Variants in LAMC1 observed in about 807,000 individuals in gnomAD.
LAMC1 encodes the protein laminin subunit gamma-1.
Under a neutral mutation model 173.6 loss-of-function variants are expected in LAMC1, and 38 were observed. The ratio of observed to expected loss-of-function variants is 0.22; its 90% CI spans 0.17 to 0.29. LAMC1 has a LOEUF of 0.29. Ranked by LOEUF, LAMC1 falls within the 10% of genes least tolerant of loss-of-function variation. LAMC1 has a pLI of 1.00. For synonymous variants in LAMC1, 746 were observed against 749.1 expected (o/e 1.00, Z 0.07); for missense variants, 1,824 against 2,051.8 (o/e 0.89, Z 2.14).
chr1:183,044,828 A>G (rs1654224306), intron 1 of LAMC1, among the ~76,000 whole-genome samples: 1 of 151,780 alleles, frequency 6.6e-6, no homozygotes, highest in Non-Finnish European at 1.5e-5. Flanking sequence ...CAAGTTAAAT[A>G]CCTTTCTTTT....
intron 11 of LAMC1, among the ~76,000 whole-genome samples, chr1:183,120,167 CAAAAAAA>C (rs55642592): frequency 3.1e-5 from 2 of 64,738 alleles, no homozygotes; most frequent in South Asian, 8.3e-4. Flanking sequence ...GGATCTATCT[CAAAAAAA>C]AAAAAAAAAA....
At position 183,121,955 on chromosome 1, in the gene LAMC1, C is replaced by T. The variant is rs1335970393; in HGVS notation, c.2212+11C>T. 1.2e-6 allele frequency: 2 copies of T among 1,612,928 alleles called. No homozygotes were observed. Among genetic ancestry groups the T allele is most frequent in the South Asian group, 2.2e-5 (2 of 91,032 alleles). Reference sequence around the variant, plus strand: ...GTGATCCTGAGACAGGTGAGATGATCTTTGGCAGCTCTTAGACCTAACTTC... The same window carrying T: ...GTGATCCTGAGACAGGTGAGATGATTTTTGGCAGCTCTTAGACCTAACTTC... On this transcript the variant is annotated intron_variant, in intron 12 of 27. Transcript: ENST00000258341.
intron 1 of LAMC1, among the ~76,000 whole-genome samples, chr1:183,065,299 A>G (rs1654849718): frequency 6.6e-6 from 1 of 152,196 alleles, no homozygotes; most frequent in East Asian, 1.9e-4. Flanking sequence ...CTGTATATAT[A>G]TAGAAAGAGA....
chr1:183,026,414 C>A (rs146693477), intron 1 of LAMC1, among the ~76,000 whole-genome samples: 66 of 152,138 alleles, frequency 4.3e-4, no homozygotes, highest in African/African-American at 1.5e-3. Flanking sequence ...CCTCCCCCCC[C>A]CTTTAATGAC....
At chr1:183,081,051 G>T (rs1300519084) in intron 1 of LAMC1, among the ~76,000 whole-genome samples, 1 of 151,894 alleles carries the variant, frequency 6.6e-6, no homozygotes, top group African/African-American at 2.4e-5. Flanking sequence ...ACCACGCCCG[G>T]CTAATTTTTA....
chr1:183,108,736 T>C (rs955259283), intron 3 of LAMC1, among the ~76,000 whole-genome samples: 2 of 152,230 alleles, frequency 1.3e-5, no homozygotes, highest in African/African-American at 4.8e-5. Context: ...ACTCACCTTA[T>C]CCTACGGAGA....
chr1:183,118,294 A>G (rs1656377590), intron 11 of LAMC1, 148 bp downstream of exon 11: 4 of 495,196 alleles, frequency 8.1e-6, no homozygotes, highest in South Asian at 3.9e-5. Flanking sequence ...TATAAAGACA[A>G]TGCATTTTTT....
At chr1:183,066,913 A>C (rs545083143) in intron 1 of LAMC1, among the ~76,000 whole-genome samples, 2 of 152,298 alleles carry the variant, frequency 1.3e-5, no homozygotes, top group East Asian at 1.9e-4. Flanking sequence ...TTGTGTACCT[A>C]TGTAACAAAC....
At chr1:183,090,290 A>T (rs141398644) in intron 1 of LAMC1, among the ~76,000 whole-genome samples, 1 of 152,176 alleles carries the variant, frequency 6.6e-6, no homozygotes, top group African/African-American at 2.4e-5. Context: ...CATGTAGTCC[A>T]GGGGGATTAC....
chr1:183,031,439 G>A (rs139184670), intron 1 of LAMC1, among the ~76,000 whole-genome samples: 1,902 of 152,208 alleles, frequency 0.012, 21 homozygotes, highest in Middle Eastern at 0.031. Context: ...CGAGTAGCTG[G>A]GATTACAGAC....
intron 1 of LAMC1, among the ~76,000 whole-genome samples, chr1:183,080,004 GGAGCCGA>G (rs1412481935): frequency 6.6e-6 from 1 of 152,142 alleles, no homozygotes; most frequent in Non-Finnish European, 1.5e-5. Context: ...AGCACTTTGA[GGAGCCGA>G]GATGGGTGGA....
chr1:183,080,391 A>G lies in LAMC1; in HGVS notation c.419-22937A>G, dbSNP rs566975783. On this transcript the variant is annotated intron_variant, in intron 1 of 27. Coordinates refer to ENST00000258341, the MANE Select transcript of LAMC1 (RefSeq NM_002293.4). The stretch of plus-strand genomic sequence containing the variant: ...ATCACTGATGAAATATACATGTGCA[A>G]AACTTGGAGATGTGGACACTAGTTT... 3.6e-4 allele frequency among the ~76,000 whole-genome samples: 55 copies of G among 152,336 alleles called. 1 individual carries two copies. In the South Asian group the frequency reaches 0.011, roughly 30 times the overall value.
intron 1 of LAMC1, among the ~76,000 whole-genome samples, chr1:183,030,163 A>C (rs1227640090): frequency 6.6e-6 from 1 of 152,252 alleles, no homozygotes; most frequent in Non-Finnish European, 1.5e-5. Context: ...CATGTAACAA[A>C]GCATTGTCTG....
chr1:183,046,387 G>T (rs1459217358), intron 1 of LAMC1, among the ~76,000 whole-genome samples: 1 of 152,038 alleles, frequency 6.6e-6, no homozygotes, highest in African/African-American at 2.4e-5. Context: ...CATCTCGATT[G>T]AAGTTGCATT....
At chr1:183,078,439 G>C (rs1240136256) in intron 1 of LAMC1, among the ~76,000 whole-genome samples, 1 of 151,926 alleles carries the variant, frequency 6.6e-6, no homozygotes, top group Admixed American at 6.6e-5. Flanking sequence ...AAAATTAGCC[G>C]GGTGTGGTGG....
chr1:183,103,322 C>T lies in LAMC1; in HGVS notation c.419-6C>T, dbSNP rs1655882553. The stretch of plus-strand genomic sequence containing the variant: ...ATTTATGACCTTTGATGTGTTTGTC[C>T]CACAGGAAAAGCTTTTGACATCACC... On this transcript the variant is annotated splice_region_variant and splice_polypyrimidine_tract_variant and intron_variant, in intron 1 of 27. Transcript: ENST00000258341. 1 of 1,610,408 alleles carries T rather than the reference C, an allele frequency of 6.2e-7. No homozygotes were observed. Among genetic ancestry groups the T allele is most frequent in the African/African-American group, 1.3e-5 (1 of 74,914 alleles).
In LAMC1 at chr1:183,025,261, A is replaced by T. The variant is rs76395657; in HGVS notation, c.418+1127A>T. 8.2e-3 allele frequency among the ~76,000 whole-genome samples: 1,253 copies of T among 152,300 alleles called. 12 individuals are homozygous for T. The highest frequency in any genetic ancestry group is 0.029 in the African/African-American group (1,196 of 41,568). On this transcript the variant is annotated intron_variant, in intron 1 of 27. Coordinates refer to ENST00000258341, the MANE Select transcript of LAMC1 (RefSeq NM_002293.4). ...ATGTTGTAGGCAAATGGTTCTTTTG[A>T]TCATGATTTTGCTGCTCTCCGGTAC...
At chr1:183,096,071 C>T (rs909086517) in intron 1 of LAMC1, among the ~76,000 whole-genome samples, 1 of 152,080 alleles carries the variant, frequency 6.6e-6, no homozygotes. Context: ...GTGTATATGG[C>T]ATTTTGGGGC....
chr1:183,058,175 TG>T (rs1654646636), intron 1 of LAMC1, among the ~76,000 whole-genome samples: 1 of 152,254 alleles, frequency 6.6e-6, no homozygotes, highest in Non-Finnish European at 1.5e-5. Context: ...TTCTTGGAAG[TG>T]TACTTAGAGG....
Sources: gnomAD v4.1 joint callset for allele counts (sites outside exome capture counted in the v4.1 genomes callset) on GRCh38, gnomAD v4.1.1 for gene constraint, MANE v1.5 for transcripts, NCBI Gene and HGNC (gene_info 2026-07-23, HGNC 2026-07-21) for gene names.